Variants in RIMS1 observed in about 807,000 individuals in gnomAD.
RIMS1 encodes the protein regulating synaptic membrane exocytosis protein 1.
A neutral mutation model predicts 214.1 loss-of-function variants in RIMS1; 83 were observed. That is an observed-to-expected ratio of 0.39 (90% CI 0.32 to 0.47). The LOEUF (loss-of-function observed/expected upper bound fraction) is 0.47. Among genes scored for constraint, RIMS1 ranks in the 20% least tolerant of loss-of-function variants. The pLI, the probability that RIMS1 is intolerant of heterozygous loss-of-function variation, is 0.99. For missense variants in RIMS1, 2,050 were observed against 2,161.8 expected (o/e 0.95, Z 1.03); for synonymous variants, 793 against 786.8 (o/e 1.01, Z -0.13).
chr6:72,342,394 G>A (rs557765880), intron 29 of RIMS1, among the ~76,000 whole-genome samples: 59 of 151,846 alleles, frequency 3.9e-4, no homozygotes, highest in African/African-American at 1.3e-3. Flanking sequence ...GGTCTACAAT[G>A]GGTTAGAGTG....
intron 26 of RIMS1, among the ~76,000 whole-genome samples, chr6:72,306,251 G>GCT (rs2095149315): frequency 6.6e-6 from 1 of 151,168 alleles, no homozygotes; most frequent in Non-Finnish European, 1.5e-5. Context: ...ACACACGCAT[G>GCT]CTCACACACA....
chr6:72,356,553 G>A (rs1472056912), intron 29 of RIMS1, among the ~76,000 whole-genome samples: 1 of 151,444 alleles, frequency 6.6e-6, no homozygotes, highest in Non-Finnish European at 1.5e-5. Flanking sequence ...GAGGTCAGGA[G>A]TTCAAGACCA....
At chr6:72,391,074 C>T (rs1411868362) in intron 30 of RIMS1, among the ~76,000 whole-genome samples, 1 of 152,146 alleles carries the variant, frequency 6.6e-6, no homozygotes, top group Non-Finnish European at 1.5e-5. Context: ...ATAGTCTGTC[C>T]CTGTCACCAA....
Position 72,182,668 on chromosome 6 carries a change from G to C in RIMS1, c.1197G>C (p.Glu399Asp), listed in dbSNP as rs2048538804. 6.9e-7 allele frequency: 1 copy of C among 1,448,244 alleles called. No homozygotes were observed. The highest frequency in any genetic ancestry group is 2.8e-5 in the East Asian group (1 of 35,494). The allele number at this position is 1,448,244 out of a possible 1,614,324, so 89.7% of individuals were successfully genotyped here. Residue 399 changes from glutamate (E) to aspartate (D), a missense_variant, in exon 6 of 34, where the codon GAG (glutamate) becomes GAC (aspartate). By Grantham distance (45) the Glu-to-Asp change is conservative. This residue lies in a region of RIMS1 where 882 missense variants were observed against 828.9 expected (regional missense o/e 1.06). Transcript: ENST00000521978. ...GCGACGTGGCGCTCCCGCGCACCGA[G>C]GCGGGCGCGGCGCTGCCGGAGGGCA... Reference protein sequence around the residue: ...RHSDVALPRTEAGAALPEGKA... With the variant: ...RHSDVALPRTDAGAALPEGKA...
At chr6:72,226,829 A>T (rs2060338619) in intron 6 of RIMS1, among the ~76,000 whole-genome samples, 1 of 152,098 alleles carries the variant, frequency 6.6e-6, no homozygotes, top group Non-Finnish European at 1.5e-5. Flanking sequence ...ATTAACTGTA[A>T]GTCTGATCTC....
chr6:72,327,888 C>T (rs1427460731), intron 28 of RIMS1, among the ~76,000 whole-genome samples: 1 of 151,766 alleles, frequency 6.6e-6, no homozygotes, highest in African/African-American at 2.4e-5. Flanking sequence ...TTTCTTTCTT[C>T]TCTGGGATTC....
chr6:72,033,828 G>GT (rs1006471865), intron 2 of RIMS1, among the ~76,000 whole-genome samples: 1 of 151,912 alleles, frequency 6.6e-6, no homozygotes, highest in African/African-American at 2.4e-5. Context: ...TTCTACTAGC[G>GT]TAACAGTGAC....
intron 19 of RIMS1, chr6:72,263,273 T>A: frequency 1.0e-6 from 1 of 985,324 alleles, no homozygotes; most frequent in Non-Finnish European, 1.2e-6. Flanking sequence ...CCAACCTTTT[T>A]TTAGTAAAAC....
At chr6:71,956,824 A>G (rs1321928933) in intron 1 of RIMS1, among the ~76,000 whole-genome samples, 1 of 152,186 alleles carries the variant, frequency 6.6e-6, no homozygotes, top group African/African-American at 2.4e-5. Flanking sequence ...CTTCAACAGC[A>G]GTTCCCAAAC....
At chr6:72,051,169 G>A (rs1185548599) in intron 2 of RIMS1, among the ~76,000 whole-genome samples, 4 of 152,066 alleles carry the variant, frequency 2.6e-5, no homozygotes, top group Non-Finnish European at 5.9e-5. Flanking sequence ...GACAAAGGCC[G>A]GAGACTGCTT....
At chr6:72,245,954 G>A in intron 11 of RIMS1, 93 bp downstream of exon 11, 1 of 896,652 alleles carries the variant, frequency 1.1e-6, no homozygotes, top group Non-Finnish European at 1.8e-6. Flanking sequence ...ATAATGAATT[G>A]GGGTTACTAT....
intron 2 of RIMS1, among the ~76,000 whole-genome samples, chr6:72,075,164 C>T (rs1211437154): frequency 6.6e-6 from 1 of 152,054 alleles, no homozygotes; most frequent in African/African-American, 2.4e-5. Flanking sequence ...TCACTGCAGC[C>T]TCGACCTTCT....
intron 2 of RIMS1, among the ~76,000 whole-genome samples, chr6:72,086,805 A>G (rs1474220532): frequency 6.6e-6 from 1 of 152,232 alleles, no homozygotes; most frequent in African/African-American, 2.4e-5. Context: ...TACCTCAGAG[A>G]TGATATTTAA....
At chr6:72,070,396 T>C (rs995222879) in intron 2 of RIMS1, among the ~76,000 whole-genome samples, 1 of 152,158 alleles carries the variant, frequency 6.6e-6, no homozygotes, top group East Asian at 1.9e-4. Context: ...AAGGAGCTTA[T>C]GGTCAACTGG....
At chr6:72,031,158 C>T (rs2152010853) in intron 2 of RIMS1, among the ~76,000 whole-genome samples, 1 of 152,226 alleles carries the variant, frequency 6.6e-6, no homozygotes, top group African/African-American at 2.4e-5. Flanking sequence ...CCAAAGATTA[C>T]ACAGATGGTC....
intron 2 of RIMS1, among the ~76,000 whole-genome samples, chr6:71,994,291 A>G (rs528950519): frequency 6.6e-6 from 1 of 152,276 alleles, no homozygotes; most frequent in South Asian, 2.1e-4. Flanking sequence ...AAGAAGAGAA[A>G]ATATTTCCAG....
At chr6:72,130,129 T>C (rs1158053179) in intron 4 of RIMS1, among the ~76,000 whole-genome samples, 1 of 152,160 alleles carries the variant, frequency 6.6e-6, no homozygotes, top group African/African-American at 2.4e-5. Context: ...TACTTTATCT[T>C]GCTGGCTATT....
intron 1 of RIMS1, among the ~76,000 whole-genome samples, chr6:71,966,813 T>C (rs979890036): frequency 1.3e-5 from 2 of 151,548 alleles, no homozygotes; most frequent in African/African-American, 4.8e-5. Context: ...TGAGCCACCA[T>C]GCCCAGCAGA....
At chr6:72,219,585 T>A (rs1384286394) in intron 6 of RIMS1, among the ~76,000 whole-genome samples, 1 of 152,088 alleles carries the variant, frequency 6.6e-6, no homozygotes, top group African/African-American at 2.4e-5. Context: ...GGGGGTATAT[T>A]GATATAATGA....
Sources: gnomAD v4.1 joint callset for allele counts (sites outside exome capture counted in the v4.1 genomes callset) on GRCh38, gnomAD v4.1.1 for gene constraint, gnomAD v4.1.1 regional missense constraint, MANE v1.5 for transcripts, NCBI Gene and HGNC (gene_info 2026-07-23, HGNC 2026-07-21) for gene names.